Variants in ZNF888 observed in about 807,000 individuals in gnomAD.
ZNF888 encodes the protein zinc finger protein 888.
Under a neutral mutation model 7.2 loss-of-function variants are expected in ZNF888, and 5 were observed. That is an observed-to-expected ratio of 0.70 (90% CI 0.36 to 1.46). The LOEUF is 1.46. ZNF888 is among the 40% of genes most tolerant of loss of function. The pLI is 0.03. For missense variants in ZNF888, 716 were observed against 858.0 expected (o/e 0.83, Z 2.07); for synonymous variants, 240 against 284.3 (o/e 0.84, Z 1.57).
chr19:52,920,472 A>G lies in ZNF888; in HGVS notation c.-177-1535T>C, dbSNP rs1351330246. ...AGGGCGGTGCAAGATGTGCTTTGTT[A>G]AACAGATGCTTGAAGGCAAAAAAAA... is the stretch of plus-strand genomic sequence containing the variant. On this transcript the variant is annotated intron_variant, in intron 1 of 4. Transcript: ENST00000638862. Among the ~76,000 whole-genome samples the G allele has an allele frequency of 4.9e-5, 2 of 41,092 alleles. 1 individual carries two copies. The highest frequency in any genetic ancestry group is 1.7e-4 in the African/African-American group (2 of 11,672). 27.0% of individuals were successfully genotyped at this position (41,092 alleles called of 152,430 possible).
At position 52,907,544 on chromosome 19, in the gene ZNF888, G is replaced by T. The variant is rs1447015608; in HGVS notation, c.778C>A (p.His260Asn). The change falls in exon 5 of 5, where the codon CAT (histidine) becomes AAT (asparagine). Residue 260 changes from histidine to asparagine, a missense_variant. His to Asn is a moderately conservative substitution (Grantham distance 68, BLOSUM62 1). Coordinates refer to ENST00000638862, the MANE Select transcript of ZNF888 (RefSeq NM_001393938.1). ...TTCTCACCAGTGTGACATCTACGATGGTGTGCAAGGTATCGCTTCTGATTA... is the reference window on the plus strand; with the variant it reads ...TTCTCACCAGTGTGACATCTACGATTGTGTGCAAGGTATCGCTTCTGATTA... ...DFNQKRYLAH[H>N]RRCHTGEKPY... is the part of the protein sequence containing the mutation. The T allele has an allele frequency of 2.5e-6, 4 of 1,609,168 alleles. No individual in the cohort carries two copies. Among genetic ancestry groups the T allele is most frequent in the Non-Finnish European group, 3.4e-6 (4 of 1,178,116 alleles).
intron 1 of ZNF888, among the ~76,000 whole-genome samples, chr19:52,921,016 G>A (rs1231828454): frequency 6.6e-6 from 1 of 150,624 alleles, no homozygotes; most frequent in Non-Finnish European, 1.5e-5. Flanking sequence ...CCTGAGTAAC[G>A]TGATAGAGAC....
chr19:52,917,576 G>A (rs1052752842), intron 3 of ZNF888, among the ~76,000 whole-genome samples: 18 of 151,862 alleles, frequency 1.2e-4, no homozygotes, highest in Admixed American at 3.3e-4. Flanking sequence ...AATCCCTGCC[G>A]CCCAACACCA....
intron 4 of ZNF888, among the ~76,000 whole-genome samples, chr19:52,910,425 C>G (rs377055416): frequency 3.9e-5 from 6 of 152,120 alleles, no homozygotes; most frequent in African/African-American, 1.4e-4. Flanking sequence ...GAGCCGAGAC[C>G]ATGCTACTGC....
chr19:52,911,453 C>T (rs1284201132), intron 4 of ZNF888, among the ~76,000 whole-genome samples: 2 of 151,988 alleles, frequency 1.3e-5, no homozygotes, highest in African/African-American at 4.8e-5. Context: ...ATTCTCCTGC[C>T]TCAGCCTCCT....
chr19:52,905,956 T>C lies in ZNF888; in HGVS notation c.*209A>G. ...CCTGTATGAATTCTCCTGTTTTGCA[T>C]AGGATGAAGCTTGACTGAAGACCTT... On this transcript the variant is annotated 3_prime_UTR_variant, in exon 5 of 5. Coordinates refer to ENST00000638862, the MANE Select transcript of ZNF888 (RefSeq NM_001393938.1). 2 of 856,468 alleles carry C rather than the reference T, an allele frequency of 2.3e-6. No homozygotes were observed. Among genetic ancestry groups the C allele is most frequent in the South Asian group, 1.4e-5 (1 of 73,570 alleles). The allele number at this position is 856,468 out of a possible 1,614,324, so 53.1% of individuals were successfully genotyped here. A position where few individuals can be genotyped will look rare whatever the true frequency, so the allele number is the denominator to read the frequency against.
intron 4 of ZNF888, among the ~76,000 whole-genome samples, chr19:52,912,330 G>A (rs1041610804): frequency 2.7e-5 from 4 of 149,026 alleles, no homozygotes; most frequent in South Asian, 4.2e-4. Flanking sequence ...AGCCAGGATG[G>A]CCTCTATCTC....
intron 4 of ZNF888, among the ~76,000 whole-genome samples, chr19:52,914,956 C>T (rs1568745925): frequency 6.6e-6 from 1 of 152,190 alleles, no homozygotes; most frequent in Non-Finnish European, 1.5e-5. Context: ...CCACCATGCC[C>T]AGCCTGCCAT....
At chr19:52,913,614 G>A in intron 4 of ZNF888, 2 of 684,074 alleles carry the variant, frequency 2.9e-6, no homozygotes, top group Non-Finnish European at 3.6e-6. Context: ...GTGAGCCACT[G>A]TACCCGGCCA....
chr19:52,918,959 TCTCCCTCTCCC>T (rs2064781667), intron 1 of ZNF888, 22 bp from the exon 2 acceptor site: 1 of 1,394 alleles, frequency 7.2e-4, no homozygotes, highest in African/African-American at 1.4e-3. Flanking sequence ...AAAAAAAAAA[TCTCCCTCTCCC>T]TCCCCCTCCC....
Position 52,906,221 on chromosome 19 carries a change from C to A in ZNF888, c.2101G>T (p.Ala701Ser). 1 of 1,609,808 alleles carries A rather than the reference C, an allele frequency of 6.2e-7. No individual in the cohort carries two copies. Among genetic ancestry groups the A allele is most frequent in the Non-Finnish European group, 8.5e-7 (1 of 1,177,634 alleles). The change falls in exon 5 of 5, where the codon GCA becomes TCA. Residue 701 changes from alanine (A) to serine (S), a missense_variant. Physicochemically the swap from Ala to Ser is moderately conservative, Grantham distance 99. Around this residue, in one of 2 missense-constraint regions of ZNF888, gnomAD observed 697 missense variants for 803.4 expected, o/e 0.87. Coordinates refer to ENST00000638862, the MANE Select transcript of ZNF888 (RefSeq NM_001393938.1). ...TGATGGTGAATAAGTGTTGACTGTG[C>A]ACGAAAGGCTTTGCCACACTCACTA... ...KCSECGKAFR[A>S]QSTLIHHQAI...
At chr19:52,916,007 G>A (rs576609497) in intron 3 of ZNF888, among the ~76,000 whole-genome samples, 1 of 152,390 alleles carries the variant, frequency 6.6e-6, no homozygotes, top group Admixed American at 6.5e-5. Context: ...TCAGCCAGGT[G>A]CAGTGACACA....
Position 52,915,206 on chromosome 19 carries a change from C to G in ZNF888, c.132G>C (p.Leu44=). ...RDVMLENYRN[L]VSLDISSKCM... ...GGAAGTTATCCTCACCCAGGGAGACCAGGTTCCTATAATTCTCCAGCATCA... is the reference window on the plus strand; with the variant it reads ...GGAAGTTATCCTCACCCAGGGAGACGAGGTTCCTATAATTCTCCAGCATCA... Residue 44 remains leucine, a synonymous_variant, in exon 4 of 5, where the codon CTG becomes CTC. Transcript: ENST00000638862. 1.3e-6 allele frequency: 2 copies of G among 1,591,618 alleles called. No individual in the cohort carries two copies. Among genetic ancestry groups the G allele is most frequent in the East Asian group, 2.3e-5 (1 of 43,702 alleles).
intron 4 of ZNF888, 139 bp from the exon 5 acceptor site, chr19:52,908,318 A>ATCTTCCTCCTTTTGT: frequency 1.2e-6 from 1 of 817,940 alleles, no homozygotes; most frequent in Non-Finnish European, 1.9e-6. Flanking sequence ...ACACAAAAGG[A>ATCTTCCTCCTTTTGT]GGAAGATCCT....
intron 1 of ZNF888, among the ~76,000 whole-genome samples, chr19:52,922,472 C>A (rs960655497): frequency 6.6e-6 from 1 of 152,010 alleles, no homozygotes; most frequent in East Asian, 1.9e-4. Flanking sequence ...GTTTGCTGCC[C>A]CTCTCCCTAC....
In ZNF888 at chr19:52,921,906, G is replaced by A. The variant is rs369816189; in HGVS notation, c.-178+1463C>T. 1.5e-3 allele frequency among the ~76,000 whole-genome samples: 228 copies of A among 152,210 alleles called. 3 individuals are homozygous for A. Among genetic ancestry groups the A allele is most frequent in the South Asian group, 9.8e-3 (47 of 4,820 alleles). ...ATCGTGCCATTGCACTTCAGCCTGG[G>A]CAACAAGAGCAAAACTGCATCTCAT... On this transcript the variant is annotated intron_variant, in intron 1 of 4. Transcript: ENST00000638862.
rs1402231806 is a variant in ZNF888, at chr19:52,923,323, G to A, written c.-178+46C>T. 1.2e-5 allele frequency: 12 copies of A among 985,548 alleles called. No homozygotes were observed. In the South Asian group the frequency reaches 1.4e-4, roughly 11 times the overall value. The allele number at this position is 985,548 out of a possible 1,614,324, so 61.1% of individuals were successfully genotyped here. A position where few individuals can be genotyped will look rare whatever the true frequency, so the allele number is the denominator to read the frequency against. ...CCCACATCCCAGGTACAGAATTGCC[G>A]GGGACCTGGAGGCACAGCCTCAATA... On this transcript the variant is annotated intron_variant, in intron 1 of 4. Transcript: ENST00000638862.
At chr19:52,917,554 G>GC in intron 3 of ZNF888, 1 of 556,854 alleles carries the variant, frequency 1.8e-6, no homozygotes, top group Non-Finnish European at 3.0e-6. Context: ...GCATCCAGAT[G>GC]CGGCCCTGAA....
Position 52,907,623 on chromosome 19 carries a change from C to A in ZNF888, c.699G>T (p.Gln233His). Residue 233 changes from glutamine to histidine, a missense_variant, in exon 5 of 5, where the codon CAG becomes CAT. Gln to His is a conservative substitution (Grantham distance 24). Transcript: ENST00000638862. ...FNCSSLFKKH[Q>H]IIHLGEKQYK... ...ATTGTTTCTCTCCTAGATGAATTAT[C>A]TGATGTTTTTTAAAGAGTGAGCTAC... is the stretch of plus-strand genomic sequence containing the variant. 3 of 1,601,704 alleles carry A rather than the reference C, an allele frequency of 1.9e-6. No homozygotes were observed. Among genetic ancestry groups the A allele is most frequent in the Non-Finnish European group, 2.6e-6 (3 of 1,175,798 alleles).
Sources: gnomAD v4.1 joint callset for allele counts (sites outside exome capture counted in the v4.1 genomes callset) on GRCh38, gnomAD v4.1.1 for gene constraint, gnomAD v4.1.1 regional missense constraint, MANE v1.5 for transcripts, NCBI Gene and HGNC (gene_info 2026-07-23, HGNC 2026-07-21) for gene names.